HECW2: variants seen among roughly 807,000 people sequenced by gnomAD.
The protein encoded by HECW2 is HECT, C2 and WW domain containing E3 ubiquitin protein ligase 2.
A neutral mutation model predicts 175.2 loss-of-function variants in HECW2; 61 were observed. That is an observed-to-expected ratio of 0.35 (90% confidence interval 0.28 to 0.43). The LOEUF is 0.43. Ranked by LOEUF, HECW2 falls within the 20% of genes least tolerant of loss-of-function variation. The pLI, the probability that HECW2 is intolerant of heterozygous loss-of-function variation, is 1.00. For synonymous variants in HECW2, 671 were observed against 731.0 expected (o/e 0.92, Z 1.32); for missense variants, 1,524 against 2,000.5 (o/e 0.76, Z 4.54).
chr2:196,491,145 A>G (rs1687170415), intron 1 of HECW2, among the ~76,000 whole-genome samples: 1 of 152,108 alleles, frequency 6.6e-6, no homozygotes, highest in Admixed American at 6.6e-5. Flanking sequence ...AAGTGTGAGT[A>G]CACAGACCAT....
rs540884507 is a variant in HECW2, at chr2:196,311,663, G to A, written c.2435-3578C>T. Among the ~76,000 whole-genome samples the A allele has an allele frequency of 1.4e-3, 212 of 152,240 alleles. 1 individual carries two copies. The highest frequency in any genetic ancestry group is 4.3e-3 in the South Asian group (21 of 4,828). ...AATACAAAATTCAGCCAGGGGTGGT[G>A]GTGCATGCCTGTAATCCCAGCTACT... On this transcript the variant is annotated intron_variant, in intron 10 of 28. Coordinates refer to ENST00000644978, the MANE Select transcript of HECW2 (RefSeq NM_001348768.2).
intron 1 of HECW2, among the ~76,000 whole-genome samples, chr2:196,579,565 C>T (rs186979347): frequency 6.6e-5 from 10 of 152,072 alleles, no homozygotes; most frequent in Middle Eastern, 3.4e-3. Context: ...AATTTTAAGT[C>T]GAAAAATATA....
intron 2 of HECW2, among the ~76,000 whole-genome samples, chr2:196,415,074 G>A (rs1695217821): frequency 6.6e-6 from 1 of 152,170 alleles, no homozygotes; most frequent in Admixed American, 6.5e-5. Context: ...ATGGGAAGAA[G>A]GTGGTCCAGA....
intron 1 of HECW2, among the ~76,000 whole-genome samples, chr2:196,462,470 C>T (rs1197635404): frequency 1.3e-5 from 2 of 152,116 alleles, no homozygotes; most frequent in African/African-American, 2.4e-5. Context: ...GCTTTCCAGA[C>T]GGCCAATTTC....
intron 1 of HECW2, among the ~76,000 whole-genome samples, chr2:196,442,156 A>T (rs1042012558): frequency 6.6e-6 from 1 of 152,162 alleles, no homozygotes; most frequent in Non-Finnish European, 1.5e-5. Context: ...TTAATATTTA[A>T]CTCATTTAGT....
chr2:196,517,470 T>C (rs1688191746), intron 1 of HECW2, among the ~76,000 whole-genome samples: 1 of 152,132 alleles, frequency 6.6e-6, no homozygotes, highest in African/African-American at 2.4e-5. Flanking sequence ...ATATTTCTAC[T>C]GAAATAAAGT....
At chr2:196,542,058 T>C (rs1689234690) in intron 1 of HECW2, among the ~76,000 whole-genome samples, 1 of 151,822 alleles carries the variant, frequency 6.6e-6, no homozygotes, top group Non-Finnish European at 1.5e-5. Context: ...GGTCAGGAGT[T>C]CGAGACCAGT....
At chr2:196,413,936 C>T (rs1164758558) in intron 2 of HECW2, among the ~76,000 whole-genome samples, 1 of 152,162 alleles carries the variant, frequency 6.6e-6, no homozygotes, top group African/African-American at 2.4e-5. Flanking sequence ...TCATTTCCAT[C>T]ACCCCGTGCT....
chr2:196,502,275 A>G (rs546400902), intron 1 of HECW2, among the ~76,000 whole-genome samples: 1 of 149,552 alleles, frequency 6.7e-6, no homozygotes, highest in Admixed American at 6.6e-5. Flanking sequence ...CTTTGTTTTT[A>G]TTTGTTTGTT....
chr2:196,357,915 T>A (rs1241346000), intron 2 of HECW2, among the ~76,000 whole-genome samples: 1 of 152,258 alleles, frequency 6.6e-6, no homozygotes, highest in Non-Finnish European at 1.5e-5. Flanking sequence ...ATCTCTTTTG[T>A]GTATAAATTA....
chr2:196,409,431 G>A (rs1695050056), intron 2 of HECW2, among the ~76,000 whole-genome samples: 1 of 151,986 alleles, frequency 6.6e-6, no homozygotes, highest in African/African-American at 2.4e-5. Flanking sequence ...CCTGACTCCC[G>A]AGATCTTACA....
chr2:196,582,069 AAATAATAATAAT>A (rs572551572), intron 1 of HECW2, among the ~76,000 whole-genome samples: 9 of 150,262 alleles, frequency 6.0e-5, no homozygotes, highest in Admixed American at 1.3e-4. Context: ...CCATCTCGAA[AAATAATAATAAT>A]AATAATAATA....
chr2:196,221,748 T>C (rs1490418106), intron 24 of HECW2, among the ~76,000 whole-genome samples: 1 of 152,004 alleles, frequency 6.6e-6, no homozygotes, highest in African/African-American at 2.4e-5. Context: ...TTTGTAGAGA[T>C]AGGGTTTCAC....
Position 196,198,439 on chromosome 2 carries a change from A to T in HECW2, c.*2838T>A, listed in dbSNP as rs1190668126. 1 of 152,152 alleles carries T rather than the reference A, an allele frequency of 6.6e-6. No individual in the cohort carries two copies. The highest frequency in any genetic ancestry group is 2.4e-5 in the African/African-American group (1 of 41,432). The allele number at this position is 152,152 out of a possible 1,614,324, so 9.4% of individuals were successfully genotyped here. ...CATTCCTTGATTGTAGAACTTACCA[A>T]ATTTTATTAAAAACACTTTTTTGAA... On this transcript the variant is annotated 3_prime_UTR_variant, in exon 29 of 29. Coordinates refer to ENST00000644978, the MANE Select transcript of HECW2 (RefSeq NM_001348768.2).
chr2:196,375,462 G>A (rs1349688947), intron 2 of HECW2, among the ~76,000 whole-genome samples: 1 of 152,236 alleles, frequency 6.6e-6, no homozygotes, highest in East Asian at 1.9e-4. Flanking sequence ...AACTTTAATA[G>A]ATTCTACTTT....
chr2:196,202,505 T>C (rs1375632504), intron 28 of HECW2, among the ~76,000 whole-genome samples: 1 of 152,174 alleles, frequency 6.6e-6, no homozygotes, highest in African/African-American at 2.4e-5. Context: ...GTTATATAAC[T>C]TGTCTGAGAA....
chr2:196,482,334 C>T (rs1170782516), intron 1 of HECW2, among the ~76,000 whole-genome samples: 1 of 152,228 alleles, frequency 6.6e-6, no homozygotes, highest in Non-Finnish European at 1.5e-5. Context: ...AGCCAGGCAT[C>T]TCCCCTTGCA....
intron 2 of HECW2, among the ~76,000 whole-genome samples, chr2:196,380,479 T>C (rs1300084532): frequency 1.3e-5 from 2 of 152,206 alleles, no homozygotes; most frequent in Non-Finnish European, 2.9e-5. Context: ...TTTCTGTTAG[T>C]CCCTTATGTG....
At position 196,261,474 on chromosome 2, in the gene HECW2, G is replaced by T. The variant is rs535287106; in HGVS notation, c.3336-3568C>A. ...AAATGAATTGGCTTATCAAACCAAT[G>T]AATCAGTAGATAAAAATAAGCTTTT... On this transcript the variant is annotated intron_variant, in intron 17 of 28. Transcript: ENST00000644978. 1.2e-4 allele frequency among the ~76,000 whole-genome samples: 18 copies of T among 152,226 alleles called. No homozygotes were observed. In the East Asian group the frequency reaches 3.3e-3, roughly 28 times the overall value.
Sources: allele counts gnomAD v4.1 joint callset (sites outside exome capture counted in the v4.1 genomes callset), GRCh38; gene constraint gnomAD v4.1.1; transcripts MANE v1.5; gene names NCBI Gene and HGNC (gene_info 2026-07-23, HGNC 2026-07-21).